Variants in TMEFF2 observed in about 807,000 individuals in gnomAD.
TMEFF2 encodes the protein transmembrane protein with EGF like and two follistatin like domains 2, also known as tomoregulin-2.
In TMEFF2, 28 loss-of-function variants were observed where a neutral mutation model predicts 53.8. That is an observed-to-expected ratio of 0.52 (90% CI 0.39 to 0.71). The LOEUF (loss-of-function observed/expected upper bound fraction) is 0.71, where lower values mean the gene tolerates loss of function less well. Ranked by LOEUF, TMEFF2 falls within the 30% of genes least tolerant of loss-of-function variation. The pLI is 0.00. For missense variants in TMEFF2, 353 were observed against 455.2 expected, an observed-to-expected ratio of 0.78 and a Z score of 2.04; for synonymous variants, 162 against 166.3, an observed-to-expected ratio of 0.97 and a Z score of 0.20.
At chr2:192,133,870 C>T (rs1427820130) in intron 4 of TMEFF2, among the ~76,000 whole-genome samples, 2 of 152,184 alleles carry the variant, frequency 1.3e-5, no homozygotes, top group African/African-American at 4.8e-5. Flanking sequence ...TAAAAACACA[C>T]GTGCTCTCCC....
At chr2:191,982,529 C>G (rs965866067) in intron 7 of TMEFF2, among the ~76,000 whole-genome samples, 3 of 145,434 alleles carry the variant, frequency 2.1e-5, no homozygotes, top group Non-Finnish European at 4.5e-5. Context: ...AGTCAAAGAG[C>G]ATGGAGAAAG....
intron 7 of TMEFF2, among the ~76,000 whole-genome samples, chr2:191,987,673 A>G (rs893705743): frequency 5.3e-5 from 8 of 152,204 alleles, no homozygotes; most frequent in African/African-American, 1.9e-4. Flanking sequence ...CTGAGAAGCT[A>G]AGTAACTAAA....
rs200174113 is a variant in TMEFF2, at chr2:191,964,396, TTCTC to T, written c.746-8022_746-8019del. Among the ~76,000 whole-genome samples the T allele has an allele frequency of 2.3e-3, 136 of 58,408 alleles. 3 individuals are homozygous for T. The highest frequency in any genetic ancestry group is 8.8e-3 in the African/African-American group (130 of 14,850). The allele number at this position is 58,408 out of a possible 152,430, so 38.3% of individuals were successfully genotyped here. A position where few individuals can be genotyped will look rare whatever the true frequency, so the allele number is the denominator to read the frequency against. ...TCTCTTTCTTTCTTTCTTTCTTTCT[TTCTC>T]TTTCTTTCTTTCTTTCTTTCTTTCT... On this transcript the variant is annotated intron_variant, in intron 7 of 9. Coordinates refer to ENST00000272771, the MANE Select transcript of TMEFF2 (RefSeq NM_016192.4).
chr2:192,141,515 A>T (rs981414304), intron 4 of TMEFF2, among the ~76,000 whole-genome samples: 1 of 152,168 alleles, frequency 6.6e-6, no homozygotes, highest in South Asian at 2.1e-4. Flanking sequence ...TAGGTCTCAA[A>T]CATGCATTTG....
chr2:192,030,137 A>G (rs187619739), intron 5 of TMEFF2, among the ~76,000 whole-genome samples: 62 of 152,358 alleles, frequency 4.1e-4, no homozygotes, highest in Non-Finnish European at 7.1e-4. Context: ...GGTTATTCTC[A>G]GAAGGCTTGC....
At chr2:192,143,847 T>C (rs568047086) in intron 4 of TMEFF2, among the ~76,000 whole-genome samples, 3 of 152,166 alleles carry the variant, frequency 2.0e-5, no homozygotes, top group African/African-American at 7.2e-5. Flanking sequence ...ATATTTTTAA[T>C]AGTTACTTTT....
intron 4 of TMEFF2, among the ~76,000 whole-genome samples, chr2:192,062,934 A>G (rs947010920): frequency 9.6e-5 from 14 of 146,376 alleles, no homozygotes; most frequent in African/African-American, 3.5e-4. Context: ...TTCATAAGTT[A>G]TAACTCACTA....
intron 5 of TMEFF2, among the ~76,000 whole-genome samples, chr2:192,048,474 T>C (rs987769832): frequency 2.6e-5 from 4 of 152,060 alleles, no homozygotes; most frequent in African/African-American, 7.2e-5. Context: ...ATTTCTATTT[T>C]TTTTTAAATC....
chr2:191,952,774 C>A (rs1691926787), intron 9 of TMEFF2, among the ~76,000 whole-genome samples: 1 of 149,942 alleles, frequency 6.7e-6, no homozygotes, highest in Admixed American at 6.6e-5. Flanking sequence ...ACGATACTTT[C>A]TTTTATTTTT....
At chr2:192,070,036 A>G (rs766447537) in intron 4 of TMEFF2, among the ~76,000 whole-genome samples, 4,916 of 64,908 alleles carry the variant, frequency 0.076, 245 homozygotes, top group Admixed American at 0.15. Context: ...ATATATATAT[A>G]TATATATGTC....
intron 4 of TMEFF2, among the ~76,000 whole-genome samples, chr2:192,060,609 G>A (rs1253386128): frequency 6.6e-6 from 1 of 152,092 alleles, no homozygotes; most frequent in Non-Finnish European, 1.5e-5. Context: ...TCTTAGTAAA[G>A]GTCACAGTCA....
At chr2:192,027,320 C>A (rs1686994545) in intron 5 of TMEFF2, among the ~76,000 whole-genome samples, 1 of 152,164 alleles carries the variant, frequency 6.6e-6, no homozygotes, top group South Asian at 2.1e-4. Context: ...TTCACTTATT[C>A]ATTCATTCCA....
chr2:192,091,863 G>C (rs774926784), intron 4 of TMEFF2, among the ~76,000 whole-genome samples: 21 of 152,104 alleles, frequency 1.4e-4, no homozygotes, highest in Non-Finnish European at 2.8e-4. Context: ...TTCCTAAAGG[G>C]CAGTGACACC....
chr2:191,972,147 TG>T (rs1387238686), intron 7 of TMEFF2, among the ~76,000 whole-genome samples: 369 of 31,894 alleles, frequency 0.012, 2 homozygotes, highest in African/African-American at 0.028. Context: ...AGTGTTTTTT[TG>T]TTTTTTTTTT....
intron 4 of TMEFF2, among the ~76,000 whole-genome samples, chr2:192,103,343 A>AT (rs1451667737): frequency 2.0e-5 from 3 of 152,074 alleles, no homozygotes; most frequent in Non-Finnish European, 2.9e-5. Flanking sequence ...CAGGTATTAG[A>AT]TTTTTTCTCA....
At chr2:192,107,072 T>C (rs1421311414) in intron 4 of TMEFF2, among the ~76,000 whole-genome samples, 2 of 151,840 alleles carry the variant, frequency 1.3e-5, no homozygotes, top group South Asian at 4.1e-4. Context: ...TAGTGAAATA[T>C]AAGGCTGAAA....
chr2:191,998,223 TAG>T (rs1286770432), intron 7 of TMEFF2, 37 bp downstream of exon 7: 2 of 1,491,122 alleles, frequency 1.3e-6, no homozygotes, highest in Admixed American at 3.8e-5. Flanking sequence ...TCTCTTTTAA[TAG>T]AAGAGCTCAC....
chr2:192,097,277 A>T (rs1204509149), intron 4 of TMEFF2, among the ~76,000 whole-genome samples: 4 of 152,242 alleles, frequency 2.6e-5, no homozygotes, highest in African/African-American at 4.8e-5. Context: ...AAGATCTCAC[A>T]ACAGAAGTAC....
intron 4 of TMEFF2, among the ~76,000 whole-genome samples, chr2:192,059,295 AAAG>A (rs1415592618): frequency 1.3e-5 from 2 of 152,036 alleles, no homozygotes; most frequent in African/African-American, 2.4e-5. Flanking sequence ...TCCTCCCCAA[AAAG>A]AAGAAGGAAT....
Sources: gnomAD v4.1 joint callset for allele counts (sites outside exome capture counted in the v4.1 genomes callset) on GRCh38, gnomAD v4.1.1 for gene constraint, MANE v1.5 for transcripts, NCBI Gene and HGNC (gene_info 2026-07-23, HGNC 2026-07-21) for gene names.